Variants in TNFSF18 observed in about 807,000 individuals in gnomAD.
TNFSF18 encodes tumor necrosis factor ligand superfamily member 18.
A neutral mutation model predicts 9.6 loss-of-function variants in TNFSF18; 6 were observed. That is an observed-to-expected ratio of 0.63 (90% CI 0.34 to 1.24). The LOEUF is 1.24. Ranked by LOEUF, TNFSF18 falls within the 50% of genes most tolerant of loss-of-function variation. The pLI is 0.03. For synonymous variants in TNFSF18, 68 were observed against 71.7 expected (o/e 0.95, Z 0.26); for missense variants, 210 against 201.0 (o/e 1.04, Z -0.27).
At chr1:173,046,464 A>C (rs1378470931) in intron 1 of TNFSF18, among the ~76,000 whole-genome samples, 1 of 152,200 alleles carries the variant, frequency 6.6e-6, no homozygotes, top group Non-Finnish European at 1.5e-5. Context: ...TGATGGTCAA[A>C]ATCATGAAAC....
At position 173,039,947 on chromosome 1, in the gene TNFSF18, A is replaced by C. The variant is rs577707490; in HGVS notation, c.*1420T>G. ...TTTTGTTAAACAAAATACAAAAAAA[A>C]CCTCTTTTAAATAGCTTTACATGTA... On this transcript the variant is annotated 3_prime_UTR_variant, in exon 3 of 3. Coordinates refer to ENST00000404377, the MANE Select transcript of TNFSF18 (RefSeq NM_005092.4). 8 of 151,652 alleles carry C rather than the reference A, an allele frequency of 5.3e-5. No individual in the cohort carries two copies. Among genetic ancestry groups the C allele is most frequent in the African/African-American group, 1.9e-4 (8 of 41,412 alleles). The allele number at this position is 151,652 out of a possible 1,614,324, so 9.4% of individuals were successfully genotyped here.
rs778855783 is a variant in TNFSF18 at position 173,050,924 on chromosome 1, CA to C, written c.-29del. 3.7e-6 allele frequency: 6 copies of C among 1,613,392 alleles called. No individual in the cohort carries two copies. Among genetic ancestry groups the C allele is most frequent in the Non-Finnish European group, 5.1e-6 (6 of 1,179,714 alleles). ...TTGGAGAAATGAGAGCTGTGGAAAA[CA>C]AAAATTCACAAGTGATGGGTGAAGG... is the stretch of plus-strand genomic sequence containing the variant. On this transcript the variant is annotated 5_prime_UTR_variant, in exon 1 of 3. Transcript: ENST00000404377.
In TNFSF18 at chr1:173,039,312, G is replaced by T. The variant is rs1431935264; in HGVS notation, c.*2055C>A. Among the ~76,000 whole-genome samples, 1 of 152,190 alleles carries T rather than the reference G, an allele frequency of 6.6e-6. No homozygotes were observed. The highest frequency in any genetic ancestry group is 1.5e-5 in the Non-Finnish European group (1 of 68,030). ...GCTAAAATTATAACATCAGGAAAATGTAAAGGTCACCTGTTGGTAGTCATC... is the reference window on the plus strand; with the variant it reads ...GCTAAAATTATAACATCAGGAAAATTTAAAGGTCACCTGTTGGTAGTCATC... On this transcript the variant is annotated 3_prime_UTR_variant, in exon 3 of 3. Transcript: ENST00000404377.
Position 173,041,333 on chromosome 1 carries a change from G to A in TNFSF18, c.*34C>T, listed in dbSNP as rs561986024. 21 of 1,511,236 alleles carry A rather than the reference G, an allele frequency of 1.4e-5. No individual in the cohort carries two copies. The highest frequency in any genetic ancestry group is 1.8e-5 in the Non-Finnish European group (20 of 1,110,390). 93.6% of individuals were successfully genotyped at this position (1,511,236 alleles called of 1,614,324 possible). ...AATCCACCCACTGGCACCTCTACAT[G>A]TGCTGAAGGGAATGAGGAGATCAAA... On this transcript the variant is annotated 3_prime_UTR_variant, in exon 3 of 3. Transcript: ENST00000404377.
At chr1:173,043,826 T>A in intron 2 of TNFSF18, 113 bp downstream of exon 2, 1 of 1,015,292 alleles carries the variant, frequency 9.8e-7, no homozygotes, top group Non-Finnish European at 1.6e-6. Context: ...TAATTATACA[T>A]AGTAGCTCAG....
At chr1:173,045,645 G>A (rs1665069575) in intron 1 of TNFSF18, among the ~76,000 whole-genome samples, 1 of 152,036 alleles carries the variant, frequency 6.6e-6, no homozygotes, top group South Asian at 2.1e-4. Flanking sequence ...TGTTGTTGTT[G>A]TTGTTGTTGT....
chr1:173,050,088 A>C (rs1352898337), intron 1 of TNFSF18, among the ~76,000 whole-genome samples: 1 of 152,168 alleles, frequency 6.6e-6, no homozygotes, highest in African/African-American at 2.4e-5. Context: ...TTTATTCTTC[A>C]TACTACCCTT....
At position 173,040,396 on chromosome 1, in the gene TNFSF18, T is replaced by A. The variant is rs41264552; in HGVS notation, c.*971A>T. On this transcript the variant is annotated 3_prime_UTR_variant, in exon 3 of 3. Coordinates refer to ENST00000404377, the MANE Select transcript of TNFSF18 (RefSeq NM_005092.4). The stretch of plus-strand genomic sequence containing the variant: ...GCTGAGACAGTGCAATGCAGGGGAC[T>A]ACCCATTGCCTCTTGTAGTCACTTG... 0.22 allele frequency: 33,358 copies of A among 152,128 alleles called. 5,024 individuals are homozygous for A. The highest frequency in any genetic ancestry group is 0.75 in the East Asian group (3,893 of 5,168). 9.4% of individuals were successfully genotyped at this position (152,128 alleles called of 1,614,324 possible).
chr1:173,046,554 T>C (rs1230990775), intron 1 of TNFSF18, among the ~76,000 whole-genome samples: 1 of 152,160 alleles, frequency 6.6e-6, no homozygotes, highest in African/African-American at 2.4e-5. Flanking sequence ...ATAAATGCAT[T>C]CACCACGTTA....
rs562779540 is a variant in TNFSF18 at position 173,039,739 on chromosome 1, TACAC to T, written c.*1624_*1627del. Among the ~76,000 whole-genome samples, 564 of 146,498 alleles carry T rather than the reference TACAC, an allele frequency of 3.8e-3. 3 individuals are homozygous for T. Among genetic ancestry groups the T allele is most frequent in the African/African-American group, 0.011 (436 of 40,206 alleles). Reference sequence around the variant, plus strand: ...ATACATATATATACACACACACATATACACACACACACACACACACACACACATA... The same window carrying T: ...ATACATATATATACACACACACATATACACACACACACACACACACACATA... On this transcript the variant is annotated 3_prime_UTR_variant, in exon 3 of 3. Transcript: ENST00000404377.
At chr1:173,050,671 TAAC>T in intron 1 of TNFSF18, 67 bp downstream of exon 1, 1 of 1,049,100 alleles carries the variant, frequency 9.5e-7, no homozygotes, top group Non-Finnish European at 1.4e-6. Context: ...GTGACAATGA[TAAC>T]AACTAGAAAA....
rs935006727 is a variant in TNFSF18, at chr1:173,039,860, T to G, written c.*1507A>C. On this transcript the variant is annotated 3_prime_UTR_variant, in exon 3 of 3. Transcript: ENST00000404377. ...TGGCCCTGTAGCTACTCAGCAGATG[T>G]TTTTTTAAAAAGTCATACTAAGAAA... The G allele has an allele frequency of 6.6e-6, 1 of 152,010 alleles. No homozygotes were observed. Among genetic ancestry groups the G allele is most frequent in the East Asian group, 1.9e-4 (1 of 5,196 alleles). The allele number at this position is 152,010 out of a possible 1,614,324, so 9.4% of individuals were successfully genotyped here.
Position 173,039,739 on chromosome 1 carries a change from TAC to T in TNFSF18, c.*1626_*1627del, listed in dbSNP as rs562779540. Among the ~76,000 whole-genome samples the T allele has an allele frequency of 0.012, 1,743 of 145,822 alleles. 21 individuals carry two copies. Among genetic ancestry groups the T allele is most frequent in the African/African-American group, 0.023 (929 of 40,158 alleles). ...ATACATATATATACACACACACATA[TAC>T]ACACACACACACACACACACACACA... On this transcript the variant is annotated 3_prime_UTR_variant, in exon 3 of 3. Coordinates refer to ENST00000404377, the MANE Select transcript of TNFSF18 (RefSeq NM_005092.4).
rs748492318 is a variant in TNFSF18 at position 173,040,517 on chromosome 1, GCTAA to G, written c.*846_*849del. Reference sequence around the variant, plus strand: ...CCTGCCCAATTAACTTCATAGAATTGCTAACTGTTTTACGAAAGCACTTTGCAAA... The same window carrying G: ...CCTGCCCAATTAACTTCATAGAATTGCTGTTTTACGAAAGCACTTTGCAAA... On this transcript the variant is annotated 3_prime_UTR_variant, in exon 3 of 3. Transcript: ENST00000404377. 2 of 152,102 alleles carry G rather than the reference GCTAA, an allele frequency of 1.3e-5. No individual in the cohort carries two copies. Among genetic ancestry groups the G allele is most frequent in the Admixed American group, 6.6e-5 (1 of 15,254 alleles). The allele number at this position is 152,102 out of a possible 1,614,324, so 9.4% of individuals were successfully genotyped here.
At chr1:173,043,343 A>T (rs1557844918) in intron 2 of TNFSF18, among the ~76,000 whole-genome samples, 1 of 151,902 alleles carries the variant, frequency 6.6e-6, no homozygotes, top group Non-Finnish European at 1.5e-5. Context: ...TTTAAAAAAA[A>T]TGTATTTATC....
chr1:173,044,557 T>A (rs887950143), intron 1 of TNFSF18, among the ~76,000 whole-genome samples: 4 of 152,100 alleles, frequency 2.6e-5, no homozygotes, highest in African/African-American at 9.6e-5. Context: ...CAAGATGCCA[T>A]CAGTGTGTGG....
Position 173,041,130 on chromosome 1 carries a change from T to C in TNFSF18, c.*237A>G, listed in dbSNP as rs1465726825. 3 of 393,218 alleles carry C rather than the reference T, an allele frequency of 7.6e-6. No individual in the cohort carries two copies. Among genetic ancestry groups the C allele is most frequent in the Non-Finnish European group, 1.4e-5 (3 of 221,588 alleles). The allele number at this position is 393,218 out of a possible 1,614,324, so 24.4% of individuals were successfully genotyped here. On this transcript the variant is annotated 3_prime_UTR_variant, in exon 3 of 3. Transcript: ENST00000404377. ...AAAAGCACATGTCCTCTGTCATCCATATTTGTTTTATCATGGATTAATGAA... is the reference window on the plus strand; with the variant it reads ...AAAAGCACATGTCCTCTGTCATCCACATTTGTTTTATCATGGATTAATGAA...
intron 1 of TNFSF18, among the ~76,000 whole-genome samples, chr1:173,048,894 T>C (rs890665862): frequency 5.3e-5 from 8 of 152,188 alleles, no homozygotes; most frequent in African/African-American, 1.4e-4. Flanking sequence ...GAAAGGGAAG[T>C]ACAGGTAAGT....
At chr1:173,042,992 A>G (rs776447101) in intron 2 of TNFSF18, among the ~76,000 whole-genome samples, 12 of 152,104 alleles carry the variant, frequency 7.9e-5, no homozygotes, top group Non-Finnish European at 1.3e-4. Flanking sequence ...CTTGACATGT[A>G]ATAGGCAATA....
Sources: allele counts gnomAD v4.1 joint callset (sites outside exome capture counted in the v4.1 genomes callset), GRCh38; gene constraint gnomAD v4.1.1; transcripts MANE v1.5; gene names NCBI Gene and HGNC (gene_info 2026-07-23, HGNC 2026-07-21).